Variants in TMEM132B observed in about 807,000 individuals in gnomAD.
TMEM132B encodes the protein transmembrane protein 132B.
A neutral mutation model predicts 90.8 loss-of-function variants in TMEM132B; 18 were observed. The ratio of observed to expected loss-of-function variants is 0.20; its 90% CI spans 0.14 to 0.29. The LOEUF (loss-of-function observed/expected upper bound fraction) is 0.29, where lower values mean the gene tolerates loss of function less well. Among genes scored for constraint, TMEM132B ranks in the 10% least tolerant of loss-of-function variants. TMEM132B has a pLI of 1.00. For missense variants in TMEM132B, 1,096 were observed against 1,326.8 expected, an observed-to-expected ratio of 0.83 and a Z score of 2.70; for synonymous variants, 504 against 523.3, an observed-to-expected ratio of 0.96 and a Z score of 0.50.
At chr12:125,476,501 T>C (rs1307742195) in intron 3 of TMEM132B, among the ~76,000 whole-genome samples, 5 of 152,378 alleles carry the variant, frequency 3.3e-5, no homozygotes, top group East Asian at 3.9e-4. Context: ...AACAGTCCAT[T>C]GTATGGATAA....
At chr12:125,397,080 C>T (rs1188609114) in intron 2 of TMEM132B, among the ~76,000 whole-genome samples, 2 of 151,962 alleles carry the variant, frequency 1.3e-5, no homozygotes, top group South Asian at 2.1e-4. Flanking sequence ...CAAGCAATTC[C>T]CCTGCCTCAG....
At chr12:125,601,143 C>A (rs1885560406) in intron 5 of TMEM132B, among the ~76,000 whole-genome samples, 2 of 152,192 alleles carry the variant, frequency 1.3e-5, no homozygotes, top group Admixed American at 6.5e-5. Flanking sequence ...GAACTCTCCA[C>A]CCCAAATCAA....
chr12:125,201,618 A>G lies in TMEM132B; in HGVS notation c.67+14752A>G, dbSNP rs537803313. 3.3e-5 allele frequency among the ~76,000 whole-genome samples: 5 copies of G among 152,356 alleles called. No homozygotes were observed. The South Asian group carries it at 1.0e-3, about 32-fold the overall frequency. ...TTAGGCAGCAGGCTGCCTGGGTTTG[A>G]ATCCCAGCTCCACCACTGGCTAGCT... is the stretch of plus-strand genomic sequence containing the variant. On this transcript the variant is annotated intron_variant, in intron 1 of 8. Coordinates refer to ENST00000682704, the MANE Select transcript of TMEM132B (RefSeq NM_001366854.1).
chr12:125,601,339 A>G (rs561993657), intron 5 of TMEM132B, among the ~76,000 whole-genome samples: 1 of 152,330 alleles, frequency 6.6e-6, no homozygotes, highest in East Asian at 1.9e-4. Flanking sequence ...CTACATGGAA[A>G]TTGAACAACC....
chr12:125,357,681 G>T (rs967095375), intron 2 of TMEM132B, among the ~76,000 whole-genome samples: 1 of 152,226 alleles, frequency 6.6e-6, no homozygotes, highest in African/African-American at 2.4e-5. Flanking sequence ...AAGAGCATGT[G>T]CTATGGAGAG....
At chr12:125,442,403 A>G (rs1299191130) in intron 3 of TMEM132B, among the ~76,000 whole-genome samples, 1 of 152,222 alleles carries the variant, frequency 6.6e-6, no homozygotes, top group Non-Finnish European at 1.5e-5. Flanking sequence ...ACAGTTATTT[A>G]AAATTACCAT....
chr12:125,253,400 A>G (rs1306880090), intron 1 of TMEM132B, among the ~76,000 whole-genome samples: 4 of 151,290 alleles, frequency 2.6e-5, no homozygotes, highest in Non-Finnish European at 4.4e-5. Flanking sequence ...AACATTTCAT[A>G]CATCTCTTCA....
At chr12:125,430,230 A>G (rs1880459044) in intron 3 of TMEM132B, among the ~76,000 whole-genome samples, 1 of 152,160 alleles carries the variant, frequency 6.6e-6, no homozygotes. Flanking sequence ...CCACCCCTTA[A>G]CAGATTGGAC....
At chr12:125,639,447 T>C (rs976167769) in intron 5 of TMEM132B, among the ~76,000 whole-genome samples, 8 of 152,250 alleles carry the variant, frequency 5.3e-5, no homozygotes, top group Non-Finnish European at 1.2e-4. Context: ...ACATATTCAT[T>C]CACACACTCA....
chr12:125,601,995 C>G (rs1885583707), intron 5 of TMEM132B, among the ~76,000 whole-genome samples: 1 of 152,138 alleles, frequency 6.6e-6, no homozygotes, highest in South Asian at 2.1e-4. Flanking sequence ...AATAAAAGCC[C>G]AGAACCAGAC....
intron 2 of TMEM132B, among the ~76,000 whole-genome samples, chr12:125,384,932 A>G (rs920393288): frequency 2.0e-5 from 3 of 152,200 alleles, no homozygotes; most frequent in African/African-American, 7.2e-5. Flanking sequence ...GATTACAGGC[A>G]TGAGCCACCA....
chr12:125,542,621 T>C (rs189886141), intron 4 of TMEM132B, among the ~76,000 whole-genome samples: 1 of 152,332 alleles, frequency 6.6e-6, no homozygotes, highest in African/African-American at 2.4e-5. Context: ...GCATAGCATG[T>C]TGTCCTCAAG....
intron 3 of TMEM132B, among the ~76,000 whole-genome samples, chr12:125,495,790 C>T (rs899177498): frequency 1.1e-4 from 17 of 152,250 alleles, no homozygotes; most frequent in African/African-American, 4.1e-4. Context: ...ATAGACCATC[C>T]CTGTGATATC....
intron 1 of TMEM132B, among the ~76,000 whole-genome samples, chr12:125,235,655 G>C (rs539066438): frequency 6.6e-6 from 1 of 151,938 alleles, no homozygotes; most frequent in African/African-American, 2.4e-5. Context: ...TCACTGATCC[G>C]CTCTCTGTCT....
At chr12:125,268,033 C>T (rs145530401) in intron 1 of TMEM132B, among the ~76,000 whole-genome samples, 14 of 152,206 alleles carry the variant, frequency 9.2e-5, no homozygotes, top group South Asian at 2.1e-4. Context: ...ATGGCTTGAG[C>T]CCAGGAGGTC....
intron 1 of TMEM132B, among the ~76,000 whole-genome samples, chr12:125,188,742 C>T (rs1274964879): frequency 6.6e-6 from 1 of 151,502 alleles, no homozygotes; most frequent in Non-Finnish European, 1.5e-5. Flanking sequence ...GCCCCCAGTG[C>T]CATCGCCCCG....
chr12:125,425,775 T>A (rs759471972), intron 3 of TMEM132B, among the ~76,000 whole-genome samples: 2 of 152,268 alleles, frequency 1.3e-5, no homozygotes, highest in Non-Finnish European at 2.9e-5. Flanking sequence ...TTTCTTGGCT[T>A]GATAGCTCAT....
rs920286308 is a variant in TMEM132B at position 125,209,313 on chromosome 12, G to A, written c.67+22447G>A. Among the ~76,000 whole-genome samples the A allele has an allele frequency of 2.0e-5, 3 of 152,206 alleles. No homozygotes were observed. The highest frequency in any genetic ancestry group is 4.8e-5 in the African/African-American group (2 of 41,444). ...ATCTCTAAGTGGGGCAGAGGCTCGCGGATGGACCGCCCCAGGGGATGGTGC... is the reference window on the plus strand; with the variant it reads ...ATCTCTAAGTGGGGCAGAGGCTCGCAGATGGACCGCCCCAGGGGATGGTGC... On this transcript the variant is annotated intron_variant, in intron 1 of 8. Transcript: ENST00000682704. The surrounding 1 kb of genome is among the most constrained non-coding windows in gnomAD (Gnocchi z 4.4).
chr12:125,285,664 T>A (rs1481529060), intron 1 of TMEM132B, among the ~76,000 whole-genome samples: 1 of 152,180 alleles, frequency 6.6e-6, no homozygotes, highest in Non-Finnish European at 1.5e-5. Flanking sequence ...GAAGGAGTCC[T>A]AGTTCCCTTG....
Sources: gnomAD v4.1 joint callset for allele counts (sites outside exome capture counted in the v4.1 genomes callset) on GRCh38, gnomAD v4.1.1 for gene constraint, Gnocchi (gnomAD v3.1) non-coding constraint, MANE v1.5 for transcripts, NCBI Gene and HGNC (gene_info 2026-07-23, HGNC 2026-07-21) for gene names.